MAML3: variants seen among roughly 807,000 people sequenced by gnomAD.
MAML3 encodes the protein mastermind-like protein 3.
Under a neutral mutation model 101.9 loss-of-function variants are expected in MAML3, and 27 were observed. The observed-to-expected ratio is 0.27, with a 90% CI of 0.20 to 0.37. The LOEUF (loss-of-function observed/expected upper bound fraction) is 0.37, where lower values mean the gene tolerates loss of function less well. MAML3 is among the 10% of genes least tolerant of loss of function. The probability of loss-of-function intolerance (pLI) is 1.00; values close to 1 mark genes in which losing one functional copy is unlikely to be tolerated. For missense variants in MAML3, 1,316 were observed against 1,444.9 expected, an observed-to-expected ratio of 0.91 and a Z score of 1.45; for synonymous variants, 501 against 555.9, an observed-to-expected ratio of 0.90 and a Z score of 1.39.
chr4:139,986,133 C>T (rs1417494037), intron 1 of MAML3, among the ~76,000 whole-genome samples: 1 of 152,184 alleles, frequency 6.6e-6, no homozygotes, highest in Admixed American at 6.5e-5. Flanking sequence ...CTCATTGTTT[C>T]CTATGGACTG....
At chr4:139,944,040 T>A (rs1206722741) in intron 1 of MAML3, among the ~76,000 whole-genome samples, 1 of 151,886 alleles carries the variant, frequency 6.6e-6, no homozygotes, top group Non-Finnish European at 1.5e-5. Flanking sequence ...CCGACTAATA[T>A]TTTGTAATTT....
chr4:139,718,244 C>G lies in MAML3; in HGVS notation c.*1079G>C, dbSNP rs986448072. ...TGGTTCCAGGCAGATATTCATTCAACGCTACACGTTAGAGAAAGAAGACTC... is the reference window on the plus strand; with the variant it reads ...TGGTTCCAGGCAGATATTCATTCAAGGCTACACGTTAGAGAAAGAAGACTC... On this transcript the variant is annotated 3_prime_UTR_variant, in exon 5 of 5. Coordinates refer to ENST00000509479, the MANE Select transcript of MAML3 (RefSeq NM_018717.5). 1 of 152,252 alleles carries G rather than the reference C, an allele frequency of 6.6e-6. No homozygotes were observed. Among genetic ancestry groups the G allele is most frequent in the African/African-American group, 2.4e-5 (1 of 41,458 alleles). 9.4% of individuals were successfully genotyped at this position (152,252 alleles called of 1,614,324 possible).
intron 1 of MAML3, among the ~76,000 whole-genome samples, chr4:140,027,214 C>T (rs752876255): frequency 6.6e-6 from 1 of 152,232 alleles, no homozygotes; most frequent in Non-Finnish European, 1.5e-5. Flanking sequence ...TATCCTTTAT[C>T]TAACCCTAGT....
At chr4:140,119,627 C>G in intron 1 of MAML3, among the ~76,000 whole-genome samples, 1 of 138,068 alleles carries the variant, frequency 7.2e-6, no homozygotes, top group Non-Finnish European at 1.6e-5. Flanking sequence ...TCCTCCCTTC[C>G]TTTTTTTTTT....
intron 2 of MAML3, among the ~76,000 whole-genome samples, chr4:139,759,812 T>C (rs1026039970): frequency 3.9e-5 from 6 of 152,222 alleles, no homozygotes; most frequent in Admixed American, 2.6e-4. Context: ...GAATGAACCA[T>C]GAAGAGAAGC....
At chr4:139,775,455 CTCT>C (rs1271869746) in intron 2 of MAML3, among the ~76,000 whole-genome samples, 1 of 152,082 alleles carries the variant, frequency 6.6e-6, no homozygotes, top group Admixed American at 6.5e-5. Flanking sequence ...CTAGATTCCT[CTCT>C]GCTTGAGGCT....
chr4:139,918,862 C>T (rs913489578), intron 1 of MAML3, among the ~76,000 whole-genome samples: 3 of 151,980 alleles, frequency 2.0e-5, no homozygotes, highest in African/African-American at 4.8e-5. Flanking sequence ...CTTAATGCTC[C>T]CTCTGTTTAC....
intron 2 of MAML3, among the ~76,000 whole-genome samples, chr4:139,808,528 A>G (rs773417027): frequency 1.8e-4 from 27 of 152,202 alleles, no homozygotes; most frequent in Non-Finnish European, 3.4e-4. Flanking sequence ...AGATCACAGG[A>G]TGGGGGATTT....
chr4:139,988,870 CCTTATCTTA>C (rs1475048009), intron 1 of MAML3, among the ~76,000 whole-genome samples: 1 of 152,142 alleles, frequency 6.6e-6, no homozygotes, highest in Non-Finnish European at 1.5e-5. Flanking sequence ...AAGGACGTGT[CCTTATCTTA>C]CTTACCCCTG....
At position 139,966,114 on chromosome 4, in the gene MAML3, C is replaced by T. The variant is rs71606866; in HGVS notation, c.469-75147G>A. ...TTGAACACAAATGATTTTGGCAGTG[C>T]AGTCAACATGAAAAAATACTGCTTG... is the stretch of plus-strand genomic sequence containing the variant. On this transcript the variant is annotated intron_variant, in intron 1 of 4. Coordinates refer to ENST00000509479, the MANE Select transcript of MAML3 (RefSeq NM_018717.5). Among the ~76,000 whole-genome samples, 703 of 152,308 alleles carry T rather than the reference C, an allele frequency of 4.6e-3. 2 individuals are homozygous for T. Among genetic ancestry groups the T allele is most frequent in the Non-Finnish European group, 8.1e-3 (550 of 68,030 alleles).
chr4:139,923,276 G>A (rs1168578767), intron 1 of MAML3, among the ~76,000 whole-genome samples: 1 of 152,174 alleles, frequency 6.6e-6, no homozygotes, highest in Non-Finnish European at 1.5e-5. Context: ...GCCCCACCCT[G>A]CAGTAGGGCA....
At chr4:140,011,177 C>CAT (rs1260186043) in intron 1 of MAML3, among the ~76,000 whole-genome samples, 1 of 92,492 alleles carries the variant, frequency 1.1e-5, no homozygotes, top group African/African-American at 4.3e-5. Context: ...ACATATATGT[C>CAT]ATATATATTT....
At chr4:139,891,467 G>A (rs1381208905) in intron 1 of MAML3, among the ~76,000 whole-genome samples, 2 of 152,030 alleles carry the variant, frequency 1.3e-5, no homozygotes, top group African/African-American at 4.8e-5. Context: ...TTGTAGAGAT[G>A]GGGTTTCACC....
At chr4:139,775,226 C>G (rs2111072815) in intron 2 of MAML3, among the ~76,000 whole-genome samples, 1 of 151,552 alleles carries the variant, frequency 6.6e-6, no homozygotes, top group Admixed American at 6.6e-5. Flanking sequence ...TCCTTGACTG[C>G]AGTTACTCAC....
rs184741792 is a variant in MAML3 at position 139,926,561 on chromosome 4, C to T, written c.469-35594G>A. 6.0e-3 allele frequency among the ~76,000 whole-genome samples: 912 copies of T among 152,346 alleles called. 8 individuals carry two copies. Among genetic ancestry groups the T allele is most frequent in the Non-Finnish European group, 7.8e-3 (531 of 68,038 alleles). On this transcript the variant is annotated intron_variant, in intron 1 of 4. Transcript: ENST00000509479. ...CTTGCAGTGAGCCGAGATCGCACCA[C>T]TGCACTCCAGCCTGGGAGATAAAGC...
intron 1 of MAML3, among the ~76,000 whole-genome samples, chr4:139,961,135 C>A (rs549503748): frequency 2.0e-5 from 3 of 151,580 alleles, no homozygotes; most frequent in African/African-American, 7.3e-5. Flanking sequence ...GAAGAGGTGG[C>A]CTCTCTGGGG....
chr4:139,891,967 C>T (rs1202151142), intron 1 of MAML3, among the ~76,000 whole-genome samples: 1 of 152,158 alleles, frequency 6.6e-6, no homozygotes, highest in Non-Finnish European at 1.5e-5. Context: ...TGGGATTCTT[C>T]AATGTTTTGT....
intron 1 of MAML3, among the ~76,000 whole-genome samples, chr4:139,894,042 A>T (rs1732556363): frequency 6.6e-6 from 1 of 152,116 alleles, no homozygotes; most frequent in Non-Finnish European, 1.5e-5. Flanking sequence ...TGTATTACAG[A>T]ACCAATGCAA....
chr4:140,107,562 T>C (rs1487853089), intron 1 of MAML3, among the ~76,000 whole-genome samples: 1 of 151,004 alleles, frequency 6.6e-6, no homozygotes, highest in African/African-American at 2.4e-5. Flanking sequence ...TGGAATGCAG[T>C]GGCGCGATCT....
Sources: allele counts gnomAD v4.1 joint callset (sites outside exome capture counted in the v4.1 genomes callset), GRCh38; gene constraint gnomAD v4.1.1; transcripts MANE v1.5; gene names NCBI Gene and HGNC (gene_info 2026-07-23, HGNC 2026-07-21).